SH3BGRL2: variants seen among roughly 807,000 people sequenced by gnomAD.
SH3BGRL2 encodes SH3 domain binding glutamate rich protein like 2, also known as SH3 domain-binding glutamic acid-rich-like protein 2.
A neutral mutation model predicts 14.8 loss-of-function variants in SH3BGRL2; 21 were observed. The ratio of observed to expected loss-of-function variants is 1.42; its 90% confidence interval spans 1.01 to 2.05. The LOEUF is 2.05. Ranked by LOEUF, SH3BGRL2 falls within the 30% of genes most tolerant of loss-of-function variation. The probability of loss-of-function intolerance (pLI) is 0.00; values close to 1 mark genes in which losing one functional copy is unlikely to be tolerated. For synonymous variants in SH3BGRL2, 50 were observed against 47.8 expected (o/e 1.05, Z -0.19); for missense variants, 147 against 130.8 (o/e 1.12, Z -0.61).
At chr6:79,553,967 C>CAAA in the SH3BGRL2 span, among the ~76,000 whole-genome samples, 133 of 126,754 alleles carry the variant, frequency 1.0e-3, no homozygotes, top group African/African-American at 2.8e-3. Context: ...GACTCTGTCT[C>CAAA]AAAAAAAAAA....
chr6:79,617,965 G>A, the SH3BGRL2 span, among the ~76,000 whole-genome samples: 64 of 152,124 alleles, frequency 4.2e-4, no homozygotes, highest in African/African-American at 1.4e-3. Flanking sequence ...GTAAATAATC[G>A]GTTCCATAGT....
At chr6:79,662,968 A>C (rs770203581) in intron 1 of SH3BGRL2, among the ~76,000 whole-genome samples, 24 of 152,090 alleles carry the variant, frequency 1.6e-4, no homozygotes, top group Admixed American at 6.5e-5. Context: ...TGTGCTACGA[A>C]GTTCTCGTGC....
the SH3BGRL2 span, among the ~76,000 whole-genome samples, chr6:79,562,725 T>C: frequency 1.3e-5 from 2 of 152,230 alleles, no homozygotes; most frequent in Non-Finnish European, 2.9e-5. Flanking sequence ...TTGGCTTCTC[T>C]GGGCCACATT....
rs75294626 is a variant in SH3BGRL2 at position 79,634,195 on chromosome 6, C to T, written c.45+2689C>T. On this transcript the variant is annotated intron_variant, in intron 1 of 3. Coordinates refer to ENST00000369838, the MANE Select transcript of SH3BGRL2 (RefSeq NM_031469.4). ...TTAGAGAAAATCATCCTGTTTTCTT[C>T]TGATTCCCCTAAGCTCTCCAGCTTC... Among the ~76,000 whole-genome samples, 1,389 of 152,290 alleles carry T rather than the reference C, an allele frequency of 9.1e-3. 22 individuals are homozygous for T. Among genetic ancestry groups the T allele is most frequent in the African/African-American group, 0.031 (1,290 of 41,536 alleles).
chr6:79,543,713 A>G, the SH3BGRL2 span, among the ~76,000 whole-genome samples: 5 of 152,338 alleles, frequency 3.3e-5, no homozygotes, highest in East Asian at 9.6e-4. Context: ...TCTCTGTTGA[A>G]GGAGAGGAGC....
intron 1 of SH3BGRL2, among the ~76,000 whole-genome samples, chr6:79,635,746 A>C (rs1446629778): frequency 1.3e-5 from 2 of 152,228 alleles, no homozygotes; most frequent in Non-Finnish European, 2.9e-5. Context: ...GCAAACTTGG[A>C]AATCATGGAT....
At chr6:79,648,711 G>A (rs1399674273) in intron 1 of SH3BGRL2, among the ~76,000 whole-genome samples, 1 of 151,912 alleles carries the variant, frequency 6.6e-6, no homozygotes, top group Non-Finnish European at 1.5e-5. Context: ...GTATTTTATT[G>A]AATGAATGCA....
the SH3BGRL2 span, among the ~76,000 whole-genome samples, chr6:79,618,823 G>A: frequency 6.7e-6 from 1 of 148,424 alleles, no homozygotes; most frequent in African/African-American, 2.5e-5. Context: ...GGAGGCTGAG[G>A]CAGAAGAAAT....
At chr6:79,649,985 T>TCTCACACA (rs765159303) in intron 1 of SH3BGRL2, among the ~76,000 whole-genome samples, 94 of 142,076 alleles carry the variant, frequency 6.6e-4, no homozygotes, top group African/African-American at 2.0e-3. Context: ...TCTCTCTCTC[T>TCTCACACA]CACACACACA....
chr6:79,682,825 G>A (rs1283123177), intron 2 of SH3BGRL2, among the ~76,000 whole-genome samples: 2 of 152,212 alleles, frequency 1.3e-5, no homozygotes, highest in Admixed American at 6.5e-5. Flanking sequence ...TGATAGACTG[G>A]ATTAAGAAAA....
the SH3BGRL2 span, among the ~76,000 whole-genome samples, chr6:79,563,545 C>T: frequency 7.2e-5 from 11 of 152,096 alleles, no homozygotes; most frequent in Non-Finnish European, 1.3e-4. Context: ...AGAAAAGTGA[C>T]TACACATAGA....
At chr6:79,587,996 C>T in the SH3BGRL2 span, among the ~76,000 whole-genome samples, 19 of 149,532 alleles carry the variant, frequency 1.3e-4, no homozygotes, top group Admixed American at 1.0e-3. Flanking sequence ...GCCAACATGG[C>T]GAAACCCCGT....
chr6:79,551,514 TAA>T, the SH3BGRL2 span, among the ~76,000 whole-genome samples: 1 of 152,154 alleles, frequency 6.6e-6, no homozygotes, highest in African/African-American at 2.4e-5. Flanking sequence ...CTATTTCTTA[TAA>T]AGAGTTACAG....
At chr6:79,552,545 CA>C in the SH3BGRL2 span, among the ~76,000 whole-genome samples, 1 of 152,074 alleles carries the variant, frequency 6.6e-6, no homozygotes, top group Non-Finnish European at 1.5e-5. Flanking sequence ...TTTGAGTTAC[CA>C]CAAAAGAGGG....
intron 2 of SH3BGRL2, among the ~76,000 whole-genome samples, chr6:79,683,674 C>A (rs567469817): frequency 6.6e-6 from 1 of 152,168 alleles, no homozygotes; most frequent in Non-Finnish European, 1.5e-5. Flanking sequence ...GTCTTGATCT[C>A]CTGACCTTGT....
At chr6:79,586,138 G>A in the SH3BGRL2 span, among the ~76,000 whole-genome samples, 1 of 149,634 alleles carries the variant, frequency 6.7e-6, no homozygotes, top group Non-Finnish European at 1.5e-5. Context: ...GGAGGTTGCG[G>A]TTAGCCAAGA....
intron 2 of SH3BGRL2, among the ~76,000 whole-genome samples, chr6:79,687,470 T>C (rs1770123160): frequency 6.6e-6 from 1 of 152,184 alleles, no homozygotes. Flanking sequence ...TTCTCACCTT[T>C]GGATTTGCTC....
At chr6:79,598,707 T>G in the SH3BGRL2 span, among the ~76,000 whole-genome samples, 1 of 152,274 alleles carries the variant, frequency 6.6e-6, no homozygotes, top group South Asian at 2.1e-4. Flanking sequence ...CTAAAAGCCA[T>G]TGAACTGTAT....
At chr6:79,589,226 G>A in the SH3BGRL2 span, among the ~76,000 whole-genome samples, 1 of 144,538 alleles carries the variant, frequency 6.9e-6, no homozygotes, top group African/African-American at 2.5e-5. Context: ...TTTGATTCAT[G>A]GTTGGTTGAA....
Sources: allele counts gnomAD v4.1 joint callset (sites outside exome capture counted in the v4.1 genomes callset), GRCh38; gene constraint gnomAD v4.1.1; transcripts MANE v1.5; gene names NCBI Gene and HGNC (gene_info 2026-07-23, HGNC 2026-07-21).